CYP19A1: variants seen among roughly 807,000 people sequenced by gnomAD.
CYP19A1 encodes the protein cytochrome P450 family 19 subfamily A member 1.
In CYP19A1, 32 loss-of-function variants were observed where a neutral mutation model predicts 44.4. The observed-to-expected ratio is 0.72, with a 90% confidence interval of 0.54 to 0.97. The LOEUF (loss-of-function observed/expected upper bound fraction) is 0.97. Ranked by LOEUF, CYP19A1 falls within the 50% of genes least tolerant of loss-of-function variation. The pLI, the probability that CYP19A1 is intolerant of heterozygous loss-of-function variation, is 0.00. For missense variants in CYP19A1, 598 were observed against 637.8 expected (o/e 0.94, Z 0.67); for synonymous variants, 212 against 215.6 (o/e 0.98, Z 0.14).
intron 7 of CYP19A1, 96 bp downstream of exon 7, chr15:51,215,607 C>G (rs756161323): frequency 2.5e-6 from 4 of 1,604,890 alleles, no homozygotes; most frequent in Non-Finnish European, 3.4e-6. Context: ...TATTTAAAAG[C>G]AGAAATATGC....
intron 1 of CYP19A1, among the ~76,000 whole-genome samples, chr15:51,334,631 G>GAA (rs1162703602): frequency 6.6e-6 from 1 of 152,046 alleles, no homozygotes; most frequent in Non-Finnish European, 1.5e-5. Flanking sequence ...TTCATTTATT[G>GAA]AAAGGCCATC....
intron 2 of CYP19A1, among the ~76,000 whole-genome samples, chr15:51,239,864 C>A (rs1330228294): frequency 3.3e-5 from 5 of 152,160 alleles, no homozygotes; most frequent in Non-Finnish European, 5.9e-5. Flanking sequence ...TTTCTCCCCC[C>A]TAGTTCCCTG....
intron 1 of CYP19A1, chr15:51,313,243 C>T (rs1382171685): frequency 6.6e-6 from 1 of 152,216 alleles, no homozygotes; most frequent in Non-Finnish European, 1.5e-5. Context: ...GGGAATAGGC[C>T]TTCTCTTCTT....
At chr15:51,250,000 A>G (rs1288609924) in intron 1 of CYP19A1, among the ~76,000 whole-genome samples, 1 of 152,204 alleles carries the variant, frequency 6.6e-6, no homozygotes, top group South Asian at 2.1e-4. Context: ...AACCAACAGG[A>G]AAAATGCAGC....
chr15:51,244,050 T>C (rs2033937430), intron 1 of CYP19A1, among the ~76,000 whole-genome samples: 1 of 152,238 alleles, frequency 6.6e-6, no homozygotes, highest in Non-Finnish European at 1.5e-5. Context: ...TGACTTGCAA[T>C]GGCTCTCAAT....
At chr15:51,228,045 A>G in intron 3 of CYP19A1, 112 bp from the exon 4 acceptor site, 2 of 757,494 alleles carry the variant, frequency 2.6e-6, no homozygotes, top group Admixed American at 1.7e-5. Flanking sequence ...TCCAAATGCA[A>G]TGTGCATGAT....
At chr15:51,265,533 C>G (rs539890508) in intron 1 of CYP19A1, among the ~76,000 whole-genome samples, 2 of 152,060 alleles carry the variant, frequency 1.3e-5, no homozygotes, top group African/African-American at 2.4e-5. Flanking sequence ...CTGTGGGAAC[C>G]CAGGCAAAAG....
intron 1 of CYP19A1, among the ~76,000 whole-genome samples, chr15:51,290,477 C>G (rs768046581): frequency 6.6e-6 from 1 of 152,206 alleles, no homozygotes; most frequent in Non-Finnish European, 1.5e-5. Flanking sequence ...ACATCCTGTT[C>G]AATGCCTAAG....
intron 3 of CYP19A1, among the ~76,000 whole-genome samples, chr15:51,235,700 C>A (rs1388672929): frequency 2.0e-5 from 3 of 152,142 alleles, no homozygotes; most frequent in Non-Finnish European, 4.4e-5. Flanking sequence ...TTTGAGGATA[C>A]CGTGGTATTT....
chr15:51,219,963 T>A (rs2141055022), intron 5 of CYP19A1, among the ~76,000 whole-genome samples: 1 of 152,312 alleles, frequency 6.6e-6, no homozygotes, highest in East Asian at 1.9e-4. Context: ...CCCATCCAAA[T>A]GGCCATCAGA....
At chr15:51,304,726 A>G (rs771768987) in intron 1 of CYP19A1, among the ~76,000 whole-genome samples, 1 of 152,150 alleles carries the variant, frequency 6.6e-6, no homozygotes, top group Non-Finnish European at 1.5e-5. Flanking sequence ...TGACTTGACC[A>G]TGTCTCTTTG....
At chr15:51,265,898 C>T (rs986917338) in intron 1 of CYP19A1, among the ~76,000 whole-genome samples, 3 of 152,160 alleles carry the variant, frequency 2.0e-5, no homozygotes, top group Non-Finnish European at 4.4e-5. Flanking sequence ...GAGCTTCATT[C>T]GGATCCCTGG....
Position 51,212,553 on chromosome 15 carries a change from C to A in CYP19A1, c.1030G>T (p.Asp344Tyr). ...TTTTGTATATCATCAATCTTTATGT[C>A]TCTCTCACCTGTGGAAACAGATAAA... ...KEIQTVIGER[D>Y]IKIDDIQKLK... Residue 344 changes from aspartate to tyrosine, a missense_variant, in exon 9 of 10, where the codon GAC (aspartate) becomes TAC (tyrosine). By Grantham distance (160) the Asp-to-Tyr change is radical (BLOSUM62 -3). Coordinates refer to ENST00000396402, the MANE Select transcript of CYP19A1 (RefSeq NM_000103.4). 2 of 1,481,102 alleles carry A rather than the reference C, an allele frequency of 1.4e-6. No homozygotes were observed. Among genetic ancestry groups the A allele is most frequent in the Non-Finnish European group, 1.9e-6 (2 of 1,058,628 alleles). The allele number at this position is 1,481,102 out of a possible 1,614,324, so 91.7% of individuals were successfully genotyped here.
chr15:51,265,836 C>T (rs2034897733), intron 1 of CYP19A1, among the ~76,000 whole-genome samples: 1 of 152,174 alleles, frequency 6.6e-6, no homozygotes, highest in Non-Finnish European at 1.5e-5. Context: ...CAACCGTTCC[C>T]CCACAGTTTA....
At chr15:51,214,184 C>T (rs960086553) in intron 8 of CYP19A1, among the ~76,000 whole-genome samples, 1 of 152,230 alleles carries the variant, frequency 6.6e-6, no homozygotes, top group Admixed American at 6.5e-5. Context: ...TCTGTGATCT[C>T]TCTTCACATC....
At chr15:51,304,925 G>A (rs1332251523) in intron 1 of CYP19A1, among the ~76,000 whole-genome samples, 2 of 104,186 alleles carry the variant, frequency 1.9e-5, no homozygotes, top group East Asian at 3.3e-4. Context: ...TTGAGACAGG[G>A]TTTCACTCTT....
At chr15:51,236,771 A>C (rs1201002060) in intron 3 of CYP19A1, 88 bp downstream of exon 3, 4 of 1,475,158 alleles carry the variant, frequency 2.7e-6, no homozygotes, top group Admixed American at 1.7e-5. Flanking sequence ...AGAAACAAAG[A>C]CATCAAGATT....
Position 51,237,018 on chromosome 15 carries a change from G to T in CYP19A1, c.146-9C>A, listed in dbSNP as rs2033440532. On this transcript the variant is annotated splice_polypyrimidine_tract_variant and intron_variant, in intron 2 of 9. Coordinates refer to ENST00000396402, the MANE Select transcript of CYP19A1 (RefSeq NM_000103.4). Reference sequence around the variant, plus strand: ...CATGCAGTAGCCAGGACCTAGGACAGGTGTCAGAGCATAAGCAACATCTTA... The same window carrying T: ...CATGCAGTAGCCAGGACCTAGGACATGTGTCAGAGCATAAGCAACATCTTA... 2.5e-6 allele frequency: 4 copies of T among 1,614,000 alleles called. No individual in the cohort carries two copies. The highest frequency in any genetic ancestry group is 3.4e-6 in the Non-Finnish European group (4 of 1,179,980).
At chr15:51,326,600 G>A (rs1038478724) in intron 1 of CYP19A1, among the ~76,000 whole-genome samples, 3 of 152,194 alleles carry the variant, frequency 2.0e-5, no homozygotes, top group Admixed American at 1.3e-4. Flanking sequence ...ATATGACATA[G>A]TGGTGTCCTT....
Sources: gnomAD v4.1 joint callset for allele counts (sites outside exome capture counted in the v4.1 genomes callset) on GRCh38, gnomAD v4.1.1 for gene constraint, MANE v1.5 for transcripts, NCBI Gene and HGNC (gene_info 2026-07-23, HGNC 2026-07-21) for gene names.